Variants in NUDT9 observed in about 807,000 individuals in gnomAD.
The protein encoded by NUDT9 is nudix hydrolase 9.
A neutral mutation model predicts 41.0 loss-of-function variants in NUDT9; 31 were observed. That is an observed-to-expected ratio of 0.76 (90% CI 0.57 to 1.02). The LOEUF (loss-of-function observed/expected upper bound fraction) is 1.02. Ranked by LOEUF, NUDT9 falls within the 50% of genes least tolerant of loss-of-function variation. The pLI is 0.00. For synonymous variants in NUDT9, 146 were observed against 147.6 expected, an observed-to-expected ratio of 0.99 and a Z score of 0.08; for missense variants, 380 against 431.4, an observed-to-expected ratio of 0.88 and a Z score of 1.06.
Position 87,450,174 on chromosome 4 carries a change from C to T in NUDT9, c.642+921C>T, listed in dbSNP as rs142920175. On this transcript the variant is annotated intron_variant, in intron 5 of 7. Coordinates refer to ENST00000302174, the MANE Select transcript of NUDT9 (RefSeq NM_024047.5). ...GCCACCACACCTGGCCTGAAGTGGC[C>T]GTTTAAAATGTTTATGTGTGTGGTA... Among the ~76,000 whole-genome samples the T allele has an allele frequency of 8.3e-3, 1,262 of 151,594 alleles. 11 individuals are homozygous for T. Among genetic ancestry groups the T allele is most frequent in the African/African-American group, 0.028 (1,152 of 41,306 alleles).
At chr4:87,448,240 G>T (rs941953225) in intron 4 of NUDT9, among the ~76,000 whole-genome samples, 1 of 148,100 alleles carries the variant, frequency 6.8e-6, no homozygotes, top group Admixed American at 6.9e-5. Flanking sequence ...TGCCTCCTGG[G>T]TTCAAGTGAT....
chr4:87,427,520 C>T (rs530284732), intron 1 of NUDT9, among the ~76,000 whole-genome samples: 4 of 152,300 alleles, frequency 2.6e-5, no homozygotes, highest in African/African-American at 9.6e-5. Context: ...AGTGTTAGCA[C>T]TTCTTGATGT....
chr4:87,452,039 G>C (rs911092225), intron 6 of NUDT9, among the ~76,000 whole-genome samples: 3 of 150,460 alleles, frequency 2.0e-5, no homozygotes, highest in African/African-American at 7.4e-5. Flanking sequence ...GTCTCGCTCT[G>C]TCACCCAGGC....
chr4:87,423,871 C>G (rs766251598), intron 1 of NUDT9, among the ~76,000 whole-genome samples: 29 of 152,162 alleles, frequency 1.9e-4, no homozygotes, highest in Non-Finnish European at 3.7e-4. Flanking sequence ...GGCATGTGAG[C>G]AGGTACCAGA....
chr4:87,437,495 C>T lies in NUDT9; in HGVS notation c.348-782C>T, dbSNP rs1447190925. Among the ~76,000 whole-genome samples, 8 of 151,396 alleles carry T rather than the reference C, an allele frequency of 5.3e-5. No individual in the cohort carries two copies. The East Asian group carries it at 1.6e-3, about 30-fold the overall frequency. ...AGCTGGGGCTACAGGTGCCCACCAC[C>T]ATGCCCAGCTAATTTTTTGTATTTT... On this transcript the variant is annotated intron_variant, in intron 2 of 7. Transcript: ENST00000302174.
chr4:87,444,364 C>G (rs1330059332), intron 4 of NUDT9, among the ~76,000 whole-genome samples: 1 of 152,028 alleles, frequency 6.6e-6, no homozygotes, highest in Non-Finnish European at 1.5e-5. Context: ...CTTACTTGCC[C>G]TCTTGATTCT....
chr4:87,435,564 A>G (rs1721890879), intron 2 of NUDT9, among the ~76,000 whole-genome samples: 1 of 152,254 alleles, frequency 6.6e-6, no homozygotes, highest in African/African-American at 2.4e-5. Context: ...TTGGGTTATC[A>G]ATAGAATATC....
intron 4 of NUDT9, among the ~76,000 whole-genome samples, chr4:87,447,373 A>G (rs1361698107): frequency 2.6e-5 from 4 of 152,170 alleles, no homozygotes; most frequent in Non-Finnish European, 5.9e-5. Flanking sequence ...GTCAGCTACT[A>G]TATAAGGAAA....
chr4:87,448,034 TAA>T (rs200685072), intron 4 of NUDT9, among the ~76,000 whole-genome samples: 19 of 134,448 alleles, frequency 1.4e-4, no homozygotes, highest in Non-Finnish European at 1.3e-4. Flanking sequence ...CCTGTCTTTT[TAA>T]AAAAAAAAAA....
intron 7 of NUDT9, among the ~76,000 whole-genome samples, chr4:87,455,658 CTTTT>C (rs535251267): frequency 1.5e-5 from 2 of 130,412 alleles, no homozygotes. Flanking sequence ...TTTCTTTTTT[CTTTT>C]TTTTTTTTTT....
rs750507514 is a variant in NUDT9, at chr4:87,454,444, A to G, written c.863A>G (p.His288Arg). The change falls in exon 7 of 8, where the codon CAT becomes CGT. Residue 288 changes from histidine to arginine, a missense_variant. His to Arg is a conservative substitution (Grantham distance 29, BLOSUM62 0). Coordinates refer to ENST00000302174, the MANE Select transcript of NUDT9 (RefSeq NM_024047.5). ...ATGGAGACAGAAGCTGTGAACTACC[A>G]TGACGAAACAGGTAACTTTATATTT... is the stretch of plus-strand genomic sequence containing the variant. Reference protein sequence around the residue: ...AWMETEAVNYHDETGEIMDNL... With the variant: ...AWMETEAVNYRDETGEIMDNL... The G allele has an allele frequency of 1.2e-6, 2 of 1,602,784 alleles. No individual in the cohort carries two copies. The highest frequency in any genetic ancestry group is 1.3e-5 in the African/African-American group (1 of 74,850).
chr4:87,453,841 C>CTTTT (rs1436219416), intron 6 of NUDT9, among the ~76,000 whole-genome samples: 1 of 150,106 alleles, frequency 6.7e-6, no homozygotes, highest in African/African-American at 2.4e-5. Context: ...ACATTTCTTT[C>CTTTT]TTTTTTTCTT....
intron 1 of NUDT9, among the ~76,000 whole-genome samples, chr4:87,427,416 A>G (rs982808255): frequency 1.3e-5 from 2 of 152,230 alleles, no homozygotes; most frequent in African/African-American, 2.4e-5. Flanking sequence ...CAATAATACA[A>G]TACAAAGGTC....
chr4:87,437,552 C>T (rs1722005413), intron 2 of NUDT9, among the ~76,000 whole-genome samples: 1 of 151,620 alleles, frequency 6.6e-6, no homozygotes, highest in Non-Finnish European at 1.5e-5. Flanking sequence ...CCATGTTAGC[C>T]AGGATGGTCT....
At chr4:87,444,562 TGTTA>T (rs1407450637) in intron 4 of NUDT9, among the ~76,000 whole-genome samples, 2 of 152,148 alleles carry the variant, frequency 1.3e-5, no homozygotes, top group Middle Eastern at 3.2e-3. Context: ...TTAATGGCAG[TGTTA>T]GTTTCTGATT....
chr4:87,455,651 C>CT (rs1722954107), intron 7 of NUDT9, among the ~76,000 whole-genome samples: 1 of 141,936 alleles, frequency 7.0e-6, no homozygotes. Context: ...GCTTTTTTTT[C>CT]TTTTTTCTTT....
At chr4:87,457,211 A>AT (rs1260797635) in intron 7 of NUDT9, among the ~76,000 whole-genome samples, 1 of 148,920 alleles carries the variant, frequency 6.7e-6, no homozygotes, top group Non-Finnish European at 1.5e-5. Context: ...GGGAGCACTT[A>AT]TTTTTTATTT....
chr4:87,428,669 A>G (rs10034240), intron 1 of NUDT9, among the ~76,000 whole-genome samples: 101,852 of 152,096 alleles, frequency 0.67, 34,777 homozygotes, highest in African/African-American at 0.81. Flanking sequence ...AGGCACAACT[A>G]TGGAGACAGT....
intron 3 of NUDT9, among the ~76,000 whole-genome samples, chr4:87,441,051 A>G (rs1221390248): frequency 2.6e-5 from 4 of 152,212 alleles, no homozygotes; most frequent in Non-Finnish European, 5.9e-5. Flanking sequence ...GGGAAAAAAG[A>G]ATAAAAAGAG....
Sources: gnomAD v4.1 joint callset for allele counts (sites outside exome capture counted in the v4.1 genomes callset) on GRCh38, gnomAD v4.1.1 for gene constraint, MANE v1.5 for transcripts, NCBI Gene and HGNC (gene_info 2026-07-23, HGNC 2026-07-21) for gene names.